The following CACNG7 variants were observed in gnomAD, a reference collection of about 807,000 sequenced individuals.
The protein encoded by CACNG7 is calcium voltage-gated channel auxiliary subunit gamma 7.
CACNG7 carries 9 observed loss-of-function variants against 26.3 expected under a neutral mutation model. The ratio of observed to expected loss-of-function variants is 0.34; its 90% CI spans 0.21 to 0.60. The LOEUF is 0.60. Ranked by LOEUF, CACNG7 falls within the 20% of genes least tolerant of loss-of-function variation. The pLI, the probability that CACNG7 is intolerant of heterozygous loss-of-function variation, is 0.81. For synonymous variants in CACNG7, 170 were observed against 157.0 expected, an observed-to-expected ratio of 1.08 and a Z score of -0.62; for missense variants, 297 against 380.4, an observed-to-expected ratio of 0.78 and a Z score of 1.82.
intron 5 of CACNG7, 97 bp from the exon 6 acceptor site, chr19:53,941,939 G>C (rs2069139908): frequency 7.1e-7 from 1 of 1,405,154 alleles, no homozygotes; most frequent in Non-Finnish European, 9.5e-7. Context: ...AAGGGGCTTG[G>C]GGTGGGGACT....
intron 2 of CACNG7, among the ~76,000 whole-genome samples, chr19:53,913,801 A>AG (rs1277875970): frequency 2.8e-4 from 42 of 150,942 alleles, no homozygotes; most frequent in African/African-American, 9.5e-4. Flanking sequence ...AAAAAAAAAA[A>AG]AAAAAAAGAA....
rs568315673 is a variant in CACNG7 at position 53,922,681 on chromosome 19, T to C, written c.424+7176T>C. On this transcript the variant is annotated intron_variant, in intron 4 of 5. Transcript: ENST00000391767. ...GCAGTTGTCCCAGGCTGGTCATTGGTGGAGTTGCCCCAGGTCTGGTCATTG... is the reference window on the plus strand; with the variant it reads ...GCAGTTGTCCCAGGCTGGTCATTGGCGGAGTTGCCCCAGGTCTGGTCATTG... 2.9e-4 allele frequency among the ~76,000 whole-genome samples: 18 copies of C among 61,452 alleles called. 2 individuals are homozygous for C. Among genetic ancestry groups the C allele is most frequent in the Admixed American group, 2.2e-3 (16 of 7,386 alleles). 40.3% of individuals were successfully genotyped at this position (61,452 alleles called of 152,430 possible).
chr19:53,914,273 C>CAA (rs376053657), intron 2 of CACNG7, among the ~76,000 whole-genome samples: 3 of 107,304 alleles, frequency 2.8e-5, no homozygotes, highest in African/African-American at 8.9e-5. Flanking sequence ...GACTCCATCT[C>CAA]AAAAAAAAAA....
At chr19:53,925,275 G>T (rs571477775) in intron 4 of CACNG7, among the ~76,000 whole-genome samples, 2,919 of 143,698 alleles carry the variant, frequency 0.02, 77 homozygotes, top group African/African-American at 0.07. Flanking sequence ...CCCAGGTCTG[G>T]TCATTGGTGG....
At chr19:53,928,933 A>T (rs1172589859) in intron 4 of CACNG7, among the ~76,000 whole-genome samples, 1 of 151,524 alleles carries the variant, frequency 6.6e-6, no homozygotes, top group Non-Finnish European at 1.5e-5. Context: ...ACATGGTGAA[A>T]CCCCATCTCT....
intron 4 of CACNG7, among the ~76,000 whole-genome samples, chr19:53,932,584 G>A (rs1426896794): frequency 6.6e-6 from 1 of 151,952 alleles, no homozygotes; most frequent in East Asian, 1.9e-4. Context: ...TTCCCCATTG[G>A]CCTCATAAAT....
chr19:53,920,358 T>C, intron 4 of CACNG7, among the ~76,000 whole-genome samples: 1 of 100,968 alleles, frequency 9.9e-6, no homozygotes, highest in Non-Finnish European at 1.9e-5. Context: ...TTTCCCCAGG[T>C]CTGGTCATTG....
intron 1 of CACNG7, among the ~76,000 whole-genome samples, chr19:53,910,392 G>A (rs898912780): frequency 1.3e-5 from 2 of 152,094 alleles, no homozygotes; most frequent in African/African-American, 4.8e-5. Flanking sequence ...TCTGGAGGCT[G>A]GGAGTGCGGG....
chr19:53,938,040 A>G (rs569176844), intron 4 of CACNG7, among the ~76,000 whole-genome samples: 23 of 152,262 alleles, frequency 1.5e-4, no homozygotes, highest in African/African-American at 5.5e-4. Flanking sequence ...GAGTTCAAGG[A>G]AGAGCAAGAA....
rs750629734 is a variant in CACNG7, at chr19:53,915,384, C to A, written c.303C>A (p.Thr101=). 6 of 1,614,024 alleles carry A rather than the reference C, an allele frequency of 3.7e-6. No homozygotes were observed. The highest frequency in any genetic ancestry group is 5.1e-6 in the Non-Finnish European group (6 of 1,179,936). Residue 101 remains threonine (T), a synonymous_variant, in exon 4 of 6, where the codon ACC becomes ACA. Transcript: ENST00000391767. ...CCCCAGAGACAGTGCGCACGGCCAC[C>A]CCCTTCCCCATGGTCAGCCTCTTCC... The part of the protein sequence containing the change: ...ENILKTVRTA[T]PFPMVSLFLV...
chr19:53,921,303 GTGGA>G, intron 4 of CACNG7, among the ~76,000 whole-genome samples: 2 of 138,390 alleles, frequency 1.4e-5, no homozygotes. Context: ...CTGGTCATTG[GTGGA>G]CTTGCCCCAG....
In CACNG7 at chr19:53,942,529, A is replaced by G; in HGVS notation, c.*236A>G. On this transcript the variant is annotated 3_prime_UTR_variant, in exon 6 of 6. Transcript: ENST00000391767. This position sits in a 1 kb window ranked among gnomAD's most constrained non-coding sequence, Gnocchi z 5.9. Reference sequence around the variant, plus strand: ...CATTGGTCCCTCTCACTCCCAAATGACTCCTCCCCTTCGTTGGCCCGCCCC... The same window carrying G: ...CATTGGTCCCTCTCACTCCCAAATGGCTCCTCCCCTTCGTTGGCCCGCCCC... 7.4e-7 allele frequency: 1 copy of G among 1,352,732 alleles called. No homozygotes were observed. The highest frequency in any genetic ancestry group is 3.3e-5 in the Admixed American group (1 of 29,952). 83.8% of individuals were successfully genotyped at this position (1,352,732 alleles called of 1,614,324 possible). A position where few individuals can be genotyped will look rare whatever the true frequency, so the allele number is the denominator to read the frequency against.
At chr19:53,919,294 C>G (rs1040608038) in intron 4 of CACNG7, among the ~76,000 whole-genome samples, 1 of 152,244 alleles carries the variant, frequency 6.6e-6, no homozygotes, top group Non-Finnish European at 1.5e-5. Flanking sequence ...AACCAGGCCT[C>G]AGAGAGAGAA....
At chr19:53,910,290 C>T (rs557434122) in intron 1 of CACNG7, among the ~76,000 whole-genome samples, 3 of 148,948 alleles carry the variant, frequency 2.0e-5, no homozygotes, top group Non-Finnish European at 4.4e-5. Flanking sequence ...CCCTGAGCCG[C>T]CAGGCGGGGG....
intron 4 of CACNG7, among the ~76,000 whole-genome samples, chr19:53,920,323 G>GT (rs200044252): frequency 9.0e-6 from 1 of 110,888 alleles, no homozygotes; most frequent in Admixed American, 8.4e-5. Context: ...TGGTGGAGTT[G>GT]CCCCAGGTCT....
intron 4 of CACNG7, among the ~76,000 whole-genome samples, chr19:53,930,960 C>T (rs2069067778): frequency 2.0e-5 from 3 of 152,136 alleles, no homozygotes; most frequent in African/African-American, 7.2e-5. Context: ...CTTTGGGAGG[C>T]CGAGGTGGGC....
chr19:53,941,922 G>C, intron 5 of CACNG7, 114 bp from the exon 6 acceptor site: 1 of 1,339,398 alleles, frequency 7.5e-7, no homozygotes, highest in South Asian at 1.5e-5. Flanking sequence ...CTGGGTCCTG[G>C]GATAGGAAGG....
In CACNG7 at chr19:53,928,283, AC is replaced by A. The variant is rs907027258; in HGVS notation, c.424+12779del. Among the ~76,000 whole-genome samples, 499 of 151,834 alleles carry A rather than the reference AC, an allele frequency of 3.3e-3. 3 individuals carry two copies. The highest frequency in any genetic ancestry group is 0.012 in the African/African-American group (480 of 41,362). On this transcript the variant is annotated intron_variant, in intron 4 of 5. Coordinates refer to ENST00000391767, the MANE Select transcript of CACNG7 (RefSeq NM_031896.5). ...TTGGTATTTATTTATTTATTTATTTACTTATTGAGGCAGTGTCTTGCTCTGT... is the reference window on the plus strand; with the variant it reads ...TTGGTATTTATTTATTTATTTATTTATTATTGAGGCAGTGTCTTGCTCTGT...
At chr19:53,936,162 G>A (rs929501416) in intron 4 of CACNG7, among the ~76,000 whole-genome samples, 10 of 151,760 alleles carry the variant, frequency 6.6e-5, no homozygotes, top group Admixed American at 6.6e-4. Flanking sequence ...AGCCAGTTGG[G>A]CTGTAGAGTG....
Sources: gnomAD v4.1 joint callset for allele counts (sites outside exome capture counted in the v4.1 genomes callset) on GRCh38, gnomAD v4.1.1 for gene constraint, Gnocchi (gnomAD v3.1) non-coding constraint, MANE v1.5 for transcripts, NCBI Gene and HGNC (gene_info 2026-07-23, HGNC 2026-07-21) for gene names.